CCSER2: variants seen among roughly 807,000 people sequenced by gnomAD.
CCSER2 encodes the protein coiled-coil serine rich protein 2.
A neutral mutation model predicts 92.3 loss-of-function variants in CCSER2; 46 were observed. The ratio of observed to expected loss-of-function variants is 0.50; its 90% CI spans 0.39 to 0.64. The LOEUF is 0.64. Ranked by LOEUF, CCSER2 falls within the 30% of genes least tolerant of loss-of-function variation. The pLI, the probability that CCSER2 is intolerant of heterozygous loss-of-function variation, is 0.00. For missense variants in CCSER2, 1,244 were observed against 1,238.9 expected (o/e 1.00, Z -0.06); for synonymous variants, 433 against 431.4 (o/e 1.00, Z -0.04).
At position 84,332,434 on chromosome 10, in the gene CCSER2, A is replaced by AT. The variant is rs1336634806; in HGVS notation, c.-40+3627dup. Among the ~76,000 whole-genome samples the AT allele has an allele frequency of 2.7e-3, 181 of 66,032 alleles. 3 individuals are homozygous for AT. Among genetic ancestry groups the AT allele is most frequent in the African/African-American group, 0.011 (129 of 11,880 alleles). 43.3% of individuals were successfully genotyped at this position (66,032 alleles called of 152,430 possible). On this transcript the variant is annotated intron_variant, in intron 1 of 9. Transcript: ENST00000372088. The stretch of plus-strand genomic sequence containing the variant: ...TTTTTATATATATATATATATATAT[A>AT]TATTTTTTTTTTTTTTTTTTTTTGA...
chr10:84,382,313 G>A (rs919181780), intron 3 of CCSER2, among the ~76,000 whole-genome samples: 6 of 151,996 alleles, frequency 3.9e-5, no homozygotes, highest in Non-Finnish European at 8.8e-5. Flanking sequence ...TACTACCTTT[G>A]GTTTCAGACT....
rs1330995761 is a variant in CCSER2 at position 84,364,304 on chromosome 10, T to G, written c.-39-6710T>G. 3.3e-5 allele frequency among the ~76,000 whole-genome samples: 5 copies of G among 152,214 alleles called. No homozygotes were observed. In the East Asian group the frequency reaches 9.6e-4, roughly 29 times the overall value. ...TACAATGGCTAGCATGTCACTAGGC[T>G]ATAGGAATTTTTCAGCTCCACTGTA... On this transcript the variant is annotated intron_variant, in intron 1 of 9. Transcript: ENST00000372088.
At chr10:84,376,662 T>A (rs1396735166) in intron 3 of CCSER2, among the ~76,000 whole-genome samples, 1 of 152,146 alleles carries the variant, frequency 6.6e-6, no homozygotes, top group African/African-American at 2.4e-5. Flanking sequence ...AAGATTTTGA[T>A]ATATGTTTTT....
At chr10:84,460,800 A>T (rs2133653753) in intron 6 of CCSER2, among the ~76,000 whole-genome samples, 1 of 152,216 alleles carries the variant, frequency 6.6e-6, no homozygotes, top group African/African-American at 2.4e-5. Context: ...TACTCTTAGC[A>T]TTTGAGATGT....
chr10:84,448,077 C>G (rs941110683), intron 6 of CCSER2, among the ~76,000 whole-genome samples: 5 of 152,088 alleles, frequency 3.3e-5, no homozygotes, highest in Non-Finnish European at 5.9e-5. Flanking sequence ...GACTCTGATA[C>G]TCCACACCAA....
intron 3 of CCSER2, among the ~76,000 whole-genome samples, chr10:84,409,201 G>T (rs1842521969): frequency 6.6e-6 from 1 of 152,086 alleles, no homozygotes; most frequent in African/African-American, 2.4e-5. Context: ...ATGTTGGCCA[G>T]GGTGGTCTTG....
chr10:84,429,111 G>A (rs1306255750), intron 5 of CCSER2, among the ~76,000 whole-genome samples: 26 of 151,506 alleles, frequency 1.7e-4, no homozygotes, highest in Admixed American at 1.7e-3. Context: ...GATTGAATTG[G>A]GAAGTATTCC....
chr10:84,439,932 G>A (rs1043440078), intron 6 of CCSER2, among the ~76,000 whole-genome samples: 3 of 152,124 alleles, frequency 2.0e-5, no homozygotes, highest in Non-Finnish European at 2.9e-5. Context: ...GGGAAGAGGT[G>A]GTAGGGAATG....
rs11201058 is a variant in CCSER2 at position 84,477,603 on chromosome 10, G to A, written c.2264G>A (p.Cys755Tyr). 1.1e-4 allele frequency: 174 copies of A among 1,611,918 alleles called. No homozygotes were observed. Among genetic ancestry groups the A allele is most frequent in the Non-Finnish European group, 1.4e-4 (165 of 1,178,656 alleles). Residue 755 changes from cysteine (C) to tyrosine (Y), a missense_variant, in exon 9 of 10, where the codon TGT (cysteine) becomes TAT (tyrosine). Physicochemically the swap from Cys to Tyr is radical, Grantham distance 194 (BLOSUM62 -2). Coordinates refer to ENST00000372088, the MANE Select transcript of CCSER2 (RefSeq NM_001284240.2). Reference protein sequence around the residue: ...LATQHICHQKCKEEKCTYADK... With the variant: ...LATQHICHQKYKEEKCTYADK... ...ACTCAGCATATCTGCCACCAAAAAT[G>A]TAAAGAGGAAAAATGCACTTATGCT...
At chr10:84,441,888 C>G (rs1484082277) in intron 6 of CCSER2, among the ~76,000 whole-genome samples, 1 of 151,408 alleles carries the variant, frequency 6.6e-6, no homozygotes, top group Non-Finnish European at 1.5e-5. Flanking sequence ...TCCCTAGTAG[C>G]TGGGACTACA....
intron 3 of CCSER2, among the ~76,000 whole-genome samples, chr10:84,398,488 A>T (rs1008406330): frequency 6.6e-6 from 1 of 152,210 alleles, no homozygotes; most frequent in Non-Finnish European, 1.5e-5. Flanking sequence ...TTGAGAAGCC[A>T]TAATTTTAGC....
At chr10:84,347,539 G>A (rs1844580479) in intron 1 of CCSER2, among the ~76,000 whole-genome samples, 1 of 151,568 alleles carries the variant, frequency 6.6e-6, no homozygotes, top group South Asian at 2.1e-4. Context: ...CGGGGCGGCT[G>A]GCCGGGCGGG....
chr10:84,402,945 G>A (rs1042435301), intron 3 of CCSER2, among the ~76,000 whole-genome samples: 7 of 152,122 alleles, frequency 4.6e-5, no homozygotes, highest in African/African-American at 1.7e-4. Context: ...CTTTTTTGTA[G>A]ATATAGACAG....
At chr10:84,346,777 T>TA (rs59956278) in intron 1 of CCSER2, among the ~76,000 whole-genome samples, 10,497 of 147,118 alleles carry the variant, frequency 0.071, 415 homozygotes, top group Middle Eastern at 0.11. Context: ...TATATATATA[T>TA]TTATTTATTT....
At chr10:84,438,183 G>A (rs890457683) in intron 5 of CCSER2, among the ~76,000 whole-genome samples, 1 of 152,170 alleles carries the variant, frequency 6.6e-6, no homozygotes, top group Admixed American at 6.5e-5. Context: ...ATGAACAACA[G>A]TCAGTGCAGA....
intron 7 of CCSER2, among the ~76,000 whole-genome samples, chr10:84,468,468 T>C (rs1846585169): frequency 6.6e-6 from 1 of 152,200 alleles, no homozygotes; most frequent in African/African-American, 2.4e-5. Context: ...TATCTGTCAA[T>C]TAAAAGTAAA....
chr10:84,451,824 A>C (rs1318392227), intron 6 of CCSER2, among the ~76,000 whole-genome samples: 1 of 152,200 alleles, frequency 6.6e-6, no homozygotes, highest in African/African-American at 2.4e-5. Context: ...CTTTGCCCTG[A>C]CCATCTGTGA....
At chr10:84,349,963 G>A (rs891172160) in intron 1 of CCSER2, among the ~76,000 whole-genome samples, 2 of 152,142 alleles carry the variant, frequency 1.3e-5, no homozygotes, top group Admixed American at 1.3e-4. Flanking sequence ...AGACCAGCCT[G>A]GCTAACATGG....
chr10:84,482,627 A>G (rs1477312279), intron 9 of CCSER2, among the ~76,000 whole-genome samples: 2 of 152,174 alleles, frequency 1.3e-5, no homozygotes, highest in African/African-American at 2.4e-5. Context: ...TTTGTAGTCC[A>G]TTTGTTTGAA....
Sources: allele counts gnomAD v4.1 joint callset (sites outside exome capture counted in the v4.1 genomes callset), GRCh38; gene constraint gnomAD v4.1.1; transcripts MANE v1.5; gene names NCBI Gene and HGNC (gene_info 2026-07-23, HGNC 2026-07-21).